QKI: variants seen among roughly 807,000 people sequenced by gnomAD.
QKI encodes QKI, KH domain containing RNA binding, also known as KH domain-containing RNA-binding protein QKI.
In QKI, 10 loss-of-function variants were observed where a neutral mutation model predicts 39.0. That is an observed-to-expected ratio of 0.26 (90% confidence interval 0.16 to 0.43). The LOEUF (loss-of-function observed/expected upper bound fraction) is 0.43, where lower values mean the gene tolerates loss of function less well. QKI is among the 20% of genes least tolerant of loss of function. The pLI, the probability that QKI is intolerant of heterozygous loss-of-function variation, is 1.00. For missense variants in QKI, 218 were observed against 428.0 expected, an observed-to-expected ratio of 0.51 and a Z score of 4.33; for synonymous variants, 204 against 155.4, an observed-to-expected ratio of 1.31 and a Z score of -2.33.
In QKI at chr6:163,519,294, CAT is replaced by C. The variant is rs1780009589; in HGVS notation, c.403-15685_403-15684del. ...GTAGACATGCAGAGTTCCTTATAAACATATGTCATTAATAAGAACACATGAGT... is the reference window on the plus strand; with the variant it reads ...GTAGACATGCAGAGTTCCTTATAAACATGTCATTAATAAGAACACATGAGT... On this transcript the variant is annotated intron_variant, in intron 3 of 7. Coordinates refer to ENST00000361752, the MANE Select transcript of QKI (RefSeq NM_006775.3). Among the ~76,000 whole-genome samples the C allele has an allele frequency of 2.0e-5, 3 of 152,028 alleles. No individual in the cohort carries two copies. In the South Asian group the frequency reaches 6.2e-4, roughly 32 times the overall value.
At chr6:163,513,138 G>GA (rs753674296) in intron 3 of QKI, among the ~76,000 whole-genome samples, 5 of 151,974 alleles carry the variant, frequency 3.3e-5, no homozygotes, top group African/African-American at 1.2e-4. Flanking sequence ...GTGTTTATAG[G>GA]AAAAAACGTA....
intron 2 of QKI, among the ~76,000 whole-genome samples, chr6:163,472,612 C>A (rs1792286833): frequency 6.6e-6 from 1 of 152,052 alleles, no homozygotes; most frequent in Non-Finnish European, 1.5e-5. Flanking sequence ...GGAATATTTA[C>A]AAAAATTGAC....
chr6:163,550,642 C>T (rs746264521), intron 4 of QKI, among the ~76,000 whole-genome samples: 1 of 151,930 alleles, frequency 6.6e-6, no homozygotes, highest in Non-Finnish European at 1.5e-5. Context: ...AAGCACCAGC[C>T]ACCCCAACAA....
intron 1 of QKI, among the ~76,000 whole-genome samples, chr6:163,417,212 A>C (rs935997792): frequency 1.3e-5 from 2 of 152,042 alleles, no homozygotes; most frequent in Admixed American, 1.3e-4. Context: ...ATTTTGGTTA[A>C]GTTAAAGTTT....
intron 2 of QKI, among the ~76,000 whole-genome samples, chr6:163,475,053 T>TA (rs1327777919): frequency 6.6e-6 from 1 of 152,178 alleles, no homozygotes; most frequent in Non-Finnish European, 1.5e-5. Flanking sequence ...TTGATGGACT[T>TA]ATTCTAAAAT....
intron 6 of QKI, chr6:163,566,378 T>C: frequency 8.3e-7 from 1 of 1,207,782 alleles, no homozygotes; most frequent in Non-Finnish European, 1.0e-6. Context: ...TGGCGTTATT[T>C]AAGTAGTCCT....
intron 6 of QKI, chr6:163,565,622 A>G (rs1051530231): frequency 1.0e-4 from 102 of 1,019,020 alleles, no homozygotes; most frequent in Middle Eastern, 4.8e-4. Flanking sequence ...TCTAATTGGC[A>G]TTCATAAGGT....
In QKI at chr6:163,572,974, GACACTCAA is replaced by G. The variant is rs1783792638; in HGVS notation, c.*2270_*2277del. 6.6e-6 allele frequency: 1 copy of G among 151,974 alleles called. No homozygotes were observed. Among genetic ancestry groups the G allele is most frequent in the African/African-American group, 2.4e-5 (1 of 41,356 alleles). 9.4% of individuals were successfully genotyped at this position (151,974 alleles called of 1,614,324 possible). On this transcript the variant is annotated 3_prime_UTR_variant, in exon 8 of 8. Transcript: ENST00000361752. ...TGTTTGGTTGGTTGAATAAATTTGC[GACACTCAA>G]ACACTTGAGGTGATAGTTGTTAAAA...
intron 1 of QKI, among the ~76,000 whole-genome samples, chr6:163,435,726 T>G (rs1317043283): frequency 6.6e-6 from 1 of 151,926 alleles, no homozygotes; most frequent in Non-Finnish European, 1.5e-5. Flanking sequence ...TCATATGCCG[T>G]GTATTTCATG....
chr6:163,451,313 C>T (rs1431150130), intron 1 of QKI, among the ~76,000 whole-genome samples: 1 of 152,156 alleles, frequency 6.6e-6, no homozygotes, highest in African/African-American at 2.4e-5. Flanking sequence ...TTGATAGCTT[C>T]AGTTGGCTTA....
At position 163,494,329 on chromosome 6, in the gene QKI, G is replaced by T. The variant is rs1452045949; in HGVS notation, c.402+15433G>T. ...TATCAGTGACTTGAGCACTGGTAGG[G>T]AGGCGGTCCTGGGACCAATCCCACA... On this transcript the variant is annotated intron_variant, in intron 3 of 7. Coordinates refer to ENST00000361752, the MANE Select transcript of QKI (RefSeq NM_006775.3). Among the ~76,000 whole-genome samples, 3 of 152,332 alleles carry T rather than the reference G, an allele frequency of 2.0e-5. No homozygotes were observed. In the East Asian group the frequency reaches 5.8e-4, roughly 29 times the overall value.
At chr6:163,540,569 A>G (rs182969315) in intron 4 of QKI, among the ~76,000 whole-genome samples, 11 of 152,178 alleles carry the variant, frequency 7.2e-5, no homozygotes, top group Non-Finnish European at 1.6e-4. Context: ...TGAGCATTAT[A>G]AGGGCAATTA....
At chr6:163,548,219 A>T (rs192813488) in intron 4 of QKI, among the ~76,000 whole-genome samples, 1 of 152,338 alleles carries the variant, frequency 6.6e-6, no homozygotes, top group East Asian at 1.9e-4. Flanking sequence ...CATTTCAGTG[A>T]CATGCATGAA....
intron 1 of QKI, among the ~76,000 whole-genome samples, chr6:163,428,207 T>A (rs982033979): frequency 6.6e-6 from 1 of 152,246 alleles, no homozygotes. Flanking sequence ...AAAGAACTTG[T>A]CTTTTTAAGA....
At chr6:163,438,451 C>G (rs1394495176) in intron 1 of QKI, among the ~76,000 whole-genome samples, 1 of 152,160 alleles carries the variant, frequency 6.6e-6, no homozygotes, top group African/African-American at 2.4e-5. Flanking sequence ...CTTTTGCGAA[C>G]ATCATAGGGT....
intron 3 of QKI, among the ~76,000 whole-genome samples, chr6:163,534,685 G>GATC (rs1252340777): frequency 1.3e-5 from 2 of 152,190 alleles, no homozygotes; most frequent in East Asian, 3.8e-4. Context: ...CATACATGAT[G>GATC]ATGATGTATG....
In QKI at chr6:163,415,117, G is replaced by T. The variant is rs1048753497; in HGVS notation, c.-77G>T. 1.8e-6 allele frequency: 2 copies of T among 1,108,580 alleles called. No homozygotes were observed. Among genetic ancestry groups the T allele is most frequent in the Non-Finnish European group, 2.2e-6 (2 of 903,406 alleles). The allele number at this position is 1,108,580 out of a possible 1,614,324, so 68.7% of individuals were successfully genotyped here. Reference sequence around the variant, plus strand: ...CGGGTCCCGAGCGGCCCGCGGCCGGGGCTCGCCCCCGCCCCTCCCTCCTCT... The same window carrying T: ...CGGGTCCCGAGCGGCCCGCGGCCGGTGCTCGCCCCCGCCCCTCCCTCCTCT... On this transcript the variant is annotated 5_prime_UTR_variant, in exon 1 of 8. Coordinates refer to ENST00000361752, the MANE Select transcript of QKI (RefSeq NM_006775.3).
intron 1 of QKI, among the ~76,000 whole-genome samples, chr6:163,448,708 G>A (rs1002411915): frequency 6.6e-6 from 1 of 152,132 alleles, no homozygotes. Context: ...TTGCACTCCA[G>A]CCTTGGTGAA....
rs1002723646 is a variant in QKI at position 163,458,601 on chromosome 6, T to G, written c.285+3180T>G. On this transcript the variant is annotated intron_variant, in intron 2 of 7. Coordinates refer to ENST00000361752, the MANE Select transcript of QKI (RefSeq NM_006775.3). ...AGAAGTCAGTGTTAAGTTAGAGATG[T>G]GTTTTGGACTTGGCAGTGCAGATCT... 3.9e-5 allele frequency among the ~76,000 whole-genome samples: 6 copies of G among 152,214 alleles called. No homozygotes were observed. In the South Asian group the frequency reaches 1.2e-3, roughly 32 times the overall value.
Sources: allele counts gnomAD v4.1 joint callset (sites outside exome capture counted in the v4.1 genomes callset), GRCh38; gene constraint gnomAD v4.1.1; transcripts MANE v1.5; gene names NCBI Gene and HGNC (gene_info 2026-07-23, HGNC 2026-07-21).